DMD: variants seen among roughly 807,000 people sequenced by gnomAD.
DMD encodes dystrophin.
Under a neutral mutation model 330.1 loss-of-function variants are expected in DMD, and 63 were observed. The ratio of observed to expected loss-of-function variants is 0.19; its 90% CI spans 0.16 to 0.24. DMD has a LOEUF of 0.24. DMD is among the 10% of genes least tolerant of loss of function. DMD has a pLI of 1.00. For missense variants in DMD, 3,344 were observed against 2,684.1 expected (o/e 1.25, Z -5.43); for synonymous variants, 1,223 against 959.8 (o/e 1.27, Z -5.07).
At chrX:32,496,597 T>G (rs889072579) in intron 19 of DMD, among the ~76,000 whole-genome samples, 18 of 112,520 alleles carry the variant, frequency 1.6e-4, no homozygotes, top group African/African-American at 5.8e-4. Context: ...TTTTGGCCAC[T>G]CATTTCCCAC....
intron 55 of DMD, among the ~76,000 whole-genome samples, chrX:31,582,050 A>C (rs931505044): frequency 2.7e-5 from 3 of 111,720 alleles, no homozygotes; most frequent in Non-Finnish European, 5.6e-5. Context: ...ACATGTATAC[A>C]TATGTAACTA....
intron 2 of DMD, among the ~76,000 whole-genome samples, chrX:33,013,330 T>G (rs1188541995): frequency 9.0e-6 from 1 of 111,323 alleles, no homozygotes; most frequent in Non-Finnish European, 1.9e-5. Context: ...AAACAAAAAG[T>G]TCCCAATCCT....
chrX:32,584,239 A>G lies in DMD; in HGVS notation c.1603-10393T>C, dbSNP rs113122323. 4.7e-3 allele frequency among the ~76,000 whole-genome samples: 521 copies of G among 111,746 alleles called. 6 individuals are homozygous for G. Among genetic ancestry groups the G allele is most frequent in the African/African-American group, 0.016 (493 of 30,806 alleles). Reference sequence around the variant, plus strand: ...AATGAAAAATGAGAGATGACATTATAAAGTCACCAGAAAGGCTCAAATTAA... The same window carrying G: ...AATGAAAAATGAGAGATGACATTATGAAGTCACCAGAAAGGCTCAAATTAA... On this transcript the variant is annotated intron_variant, in intron 13 of 78. Transcript: ENST00000357033.
Position 32,069,720 on chromosome X carries a change from T to A in DMD, c.6439-101206A>T, listed in dbSNP as rs559005189. Reference sequence around the variant, plus strand: ...AAATCCTCCAGACCATCTGTGAATATCTGGTTGACTTGTCAGAGTGCATTT... The same window carrying A: ...AAATCCTCCAGACCATCTGTGAATAACTGGTTGACTTGTCAGAGTGCATTT... On this transcript the variant is annotated intron_variant, in intron 44 of 78. Transcript: ENST00000357033. Among the ~76,000 whole-genome samples the A allele has an allele frequency of 6.2e-5, 7 of 112,079 alleles. No homozygotes were observed. The Admixed American group carries it at 6.6e-4, about 11-fold the overall frequency.
intron 7 of DMD, among the ~76,000 whole-genome samples, chrX:32,745,987 T>A (rs1372820272): frequency 1.8e-5 from 2 of 112,051 alleles, no homozygotes; most frequent in African/African-American, 6.5e-5. Context: ...TCTAGAACTT[T>A]TAAATTGTTA....
At chrX:32,623,626 C>A (rs1004874486) in intron 11 of DMD, among the ~76,000 whole-genome samples, 12 of 108,403 alleles carry the variant, frequency 1.1e-4, no homozygotes, top group African/African-American at 3.4e-4. Flanking sequence ...CTCCCAGGCC[C>A]AAATGATCCT....
intron 50 of DMD, among the ~76,000 whole-genome samples, chrX:31,814,908 G>C (rs2092579802): frequency 8.9e-6 from 1 of 112,039 alleles, no homozygotes; most frequent in South Asian, 3.7e-4. Flanking sequence ...ATACTGCCTG[G>C]TTTAGTGTGT....
intron 34 of DMD, among the ~76,000 whole-genome samples, chrX:32,376,717 T>G (rs757236951): frequency 9.1e-6 from 1 of 110,189 alleles, no homozygotes; most frequent in East Asian, 2.9e-4. Context: ...AATCCAATTT[T>G]TTTTTTTTCT....
At chrX:32,097,799 A>T (rs1317184025) in intron 44 of DMD, among the ~76,000 whole-genome samples, 1 of 112,068 alleles carries the variant, frequency 8.9e-6, no homozygotes, top group East Asian at 2.8e-4. Context: ...AGTTCAGAAA[A>T]TGTTTTCTTC....
rs58903799 is a variant in DMD, at chrX:31,822,653, G to GGGGGTGTGTGT, written c.7201-2571_7201-2570insACACACACCCC. ...TTGGCCATACAGAAAAAGGCAGAGG[G>GGGGGTGTGTGT]GTGTGTGTGTGTGTGTGTGTGTGTG... On this transcript the variant is annotated intron_variant, in intron 49 of 78. Transcript: ENST00000357033. Among the ~76,000 whole-genome samples, 87 of 65,806 alleles carry GGGGGTGTGTGT rather than the reference G, an allele frequency of 1.3e-3. 1 individual carries two copies. Among genetic ancestry groups the GGGGGTGTGTGT allele is most frequent in the African/African-American group, 5.1e-3 (80 of 15,648 alleles). The allele number at this position is 65,806 out of a possible 115,157, so 57.1% of individuals were successfully genotyped here.
At chrX:32,336,461 G>T (rs968245912) in intron 41 of DMD, among the ~76,000 whole-genome samples, 2 of 111,702 alleles carry the variant, frequency 1.8e-5, no homozygotes, top group Non-Finnish European at 3.8e-5. Context: ...TCTGCTGTAG[G>T]ACAAGCTATC....
chrX:32,792,584 C>T (rs1037048745), intron 7 of DMD, among the ~76,000 whole-genome samples: 8 of 111,769 alleles, frequency 7.2e-5, no homozygotes, highest in African/African-American at 2.6e-4. Flanking sequence ...CTCATTTCAC[C>T]TGTAAAGACA....
chrX:32,412,162 A>T, intron 29 of DMD: 2 of 1,122,829 alleles, frequency 1.8e-6, no homozygotes, highest in Non-Finnish European at 2.4e-6. Context: ...TATCACGTAC[A>T]TTAAGGAAAT....
intron 11 of DMD, among the ~76,000 whole-genome samples, chrX:32,620,164 A>G (rs1174068097): frequency 8.9e-6 from 1 of 112,014 alleles, no homozygotes; most frequent in Non-Finnish European, 1.9e-5. Context: ...TTAAATTAGT[A>G]TAAGTGTATT....
intron 18 of DMD, among the ~76,000 whole-genome samples, chrX:32,514,311 G>C (rs2045632032): frequency 9.0e-6 from 1 of 110,897 alleles, no homozygotes; most frequent in Admixed American, 9.6e-5. Context: ...TAAAGTAGGA[G>C]ATGAAATCAT....
At chrX:32,584,598 A>G (rs1407373687) in intron 13 of DMD, among the ~76,000 whole-genome samples, 1 of 112,437 alleles carries the variant, frequency 8.9e-6, no homozygotes, top group Non-Finnish European at 1.9e-5. Context: ...GAAAATTAAT[A>G]AAGTAATGCT....
intron 2 of DMD, among the ~76,000 whole-genome samples, chrX:32,890,328 A>G (rs2085076648): frequency 9.1e-6 from 1 of 110,411 alleles, no homozygotes; most frequent in African/African-American, 3.3e-5. Context: ...AAGAGAAAAT[A>G]AACCTTTCGT....
intron 44 of DMD, chrX:32,205,900 C>T (rs148218090): frequency 0.013 from 4,426 of 332,613 alleles, 36 homozygotes; most frequent in Non-Finnish European, 0.018. Flanking sequence ...ACCTGATGGA[C>T]GATGATGGAC....
intron 1 of DMD, among the ~76,000 whole-genome samples, chrX:33,047,699 T>G (rs1166124152): frequency 1.8e-5 from 2 of 112,444 alleles, no homozygotes; most frequent in Non-Finnish European, 3.8e-5. Flanking sequence ...CATTCAAATC[T>G]TTAAAACAAG....
Sources: gnomAD v4.1 joint callset for allele counts (sites outside exome capture counted in the v4.1 genomes callset) on GRCh38, gnomAD v4.1.1 for gene constraint, MANE v1.5 for transcripts, NCBI Gene and HGNC (gene_info 2026-07-23, HGNC 2026-07-21) for gene names.